The following RBM28 variants were observed in gnomAD, a reference collection of about 807,000 sequenced individuals.
RBM28 encodes RNA-binding protein 28.
In RBM28, 78 loss-of-function variants were observed where a neutral mutation model predicts 98.3. The observed-to-expected ratio is 0.79, with a 90% CI of 0.66 to 0.96. The LOEUF is 0.96. RBM28 is among the 40% of genes least tolerant of loss of function. The pLI is 0.00. For missense variants in RBM28, 838 were observed against 913.0 expected, an observed-to-expected ratio of 0.92 and a Z score of 1.06; for synonymous variants, 306 against 330.9, an observed-to-expected ratio of 0.92 and a Z score of 0.82.
At position 128,317,731 on chromosome 7, in the gene RBM28, T is replaced by A. The variant is rs1396498530; in HGVS notation, c.1716A>T (p.Arg572Ser). The A allele has an allele frequency of 6.3e-7, 1 of 1,598,874 alleles. No individual in the cohort carries two copies. The highest frequency in any genetic ancestry group is 1.3e-5 in the African/African-American group (1 of 74,578). ...NNPEIFGPLK[R>S]PIVEFSLEDR... ...CTTCTAAAGAGAACTCCACTATTGGTCTCTGTCAGAGGGAGACAGAATGCC... is the reference window on the plus strand; with the variant it reads ...CTTCTAAAGAGAACTCCACTATTGGACTCTGTCAGAGGGAGACAGAATGCC... The change falls in exon 16 of 19, where the codon AGA becomes AGT. Residue 572 changes from arginine (R) to serine (S), a missense_variant and splice_region_variant. Arg to Ser is a moderately radical substitution (Grantham distance 110). Transcript: ENST00000223073.
intron 9 of RBM28, among the ~76,000 whole-genome samples, 200 bp downstream of exon 9, chr7:128,333,090 T>C (rs1409832866): frequency 6.6e-6 from 1 of 152,194 alleles, no homozygotes; most frequent in Admixed American, 6.5e-5. Context: ...GAAAACGTGA[T>C]GTCAGGACCC....
chr7:128,339,209 ATT>A lies in RBM28; in HGVS notation c.372+16_372+17del. ...AAAGCCTTCAAAACATGCAATGTTC[ATT>A]TTCTCTCTCACTTACCTTAAAGCTC... On this transcript the variant is annotated intron_variant, in intron 3 of 18. Transcript: ENST00000223073. The A allele has an allele frequency of 1.9e-6, 3 of 1,576,710 alleles. No individual in the cohort carries two copies. The highest frequency in any genetic ancestry group is 2.6e-6 in the Non-Finnish European group (3 of 1,146,014).
At position 128,335,661 on chromosome 7, in the gene RBM28, G is replaced by A; in HGVS notation, c.828C>T (p.Ala276=). 2 of 1,614,150 alleles carry A rather than the reference G, an allele frequency of 1.2e-6. No homozygotes were observed. The highest frequency in any genetic ancestry group is 1.7e-6 in the Non-Finnish European group (2 of 1,180,022). Residue 276 remains alanine (A), a synonymous_variant, in exon 8 of 19, where the codon GCC becomes GCT. Coordinates refer to ENST00000223073, the MANE Select transcript of RBM28 (RefSeq NM_018077.3). ...CAGAATGATCACTGCTTTTTGCAGG[G>A]GCTGGTCTCTTGACTGCTCTGCAAT... The part of the protein sequence containing the change: ...QIQKRAVKRP[A]PAKSSDHSEE...
chr7:128,317,619 G>T, intron 16 of RBM28, 40 bp downstream of exon 16: 1 of 1,429,432 alleles, frequency 7.0e-7, no homozygotes, highest in Non-Finnish European at 9.9e-7. Context: ...AAATAGAAGA[G>T]TTTATGTCCT....
At chr7:128,339,396 G>A in intron 2 of RBM28, 75 bp from the exon 3 acceptor site, 1 of 1,302,968 alleles carries the variant, frequency 7.7e-7, no homozygotes, top group South Asian at 1.3e-5. Flanking sequence ...AGAAAAAAAA[G>A]CTACTGGCGA....
Position 128,335,899 on chromosome 7 carries a change from C to T in RBM28, c.757G>A (p.Glu253Lys), listed in dbSNP as rs11554671. 4 of 1,613,294 alleles carry T rather than the reference C, an allele frequency of 2.5e-6. No individual in the cohort carries two copies. Among genetic ancestry groups the T allele is most frequent in the Non-Finnish European group, 3.4e-6 (4 of 1,179,372 alleles). ...EDGVFDDEDEEEENIESKVTK... is the reference protein window; with the variant it reads ...EDGVFDDEDEKEENIESKVTK... ...ACCTTTGATTCTATATTCTCTTCCT[C>T]TTCATCTTCATCATCAAAAACCCCA... Residue 253 changes from glutamate (E) to lysine (K), a missense_variant, in exon 7 of 19, where the codon GAG becomes AAG. Coordinates refer to ENST00000223073, the MANE Select transcript of RBM28 (RefSeq NM_018077.3).
At position 128,330,877 on chromosome 7, in the gene RBM28, C is replaced by G. The variant is rs758188560; in HGVS notation, c.1071G>C (p.Gln357His). ...TGCGGACATATTTGAGTTCTCCAAA[C>G]TGTTGGAGAAGCTCCCCAAGTTCTT... ...EEEELGELLQ[Q>H]FGELKYVRIV... is the part of the protein sequence containing the mutation. Residue 357 changes from glutamine to histidine, a missense_variant, in exon 10 of 19, where the codon CAG becomes CAC. Physicochemically the swap from Gln to His is conservative, Grantham distance 24 (BLOSUM62 0). Coordinates refer to ENST00000223073, the MANE Select transcript of RBM28 (RefSeq NM_018077.3). The G allele has an allele frequency of 1.9e-5, 31 of 1,614,016 alleles. No individual in the cohort carries two copies. The highest frequency in any genetic ancestry group is 1.6e-4 in the Middle Eastern group (1 of 6,084).
intron 10 of RBM28, among the ~76,000 whole-genome samples, chr7:128,327,730 C>T (rs1205758469): frequency 1.3e-5 from 2 of 152,106 alleles, no homozygotes; most frequent in Non-Finnish European, 2.9e-5. Context: ...GAACTCCCAA[C>T]CTCAGGTGAT....
At chr7:128,314,561 C>T (rs1350147698) in intron 17 of RBM28, among the ~76,000 whole-genome samples, 1 of 152,156 alleles carries the variant, frequency 6.6e-6, no homozygotes, top group Non-Finnish European at 1.5e-5. Flanking sequence ...AAAAGCCTGC[C>T]CTAGGAGGCC....
rs1243067863 is a variant in RBM28 at position 128,325,714 on chromosome 7, A to G, written c.1203+104T>C. ...CTAAATAAGTGTTAGTTTTATTATT[A>G]CTGACAAGAAAAATAATAATAAAGC... is the stretch of plus-strand genomic sequence containing the variant. On this transcript the variant is annotated intron_variant, in intron 11 of 18. Coordinates refer to ENST00000223073, the MANE Select transcript of RBM28 (RefSeq NM_018077.3). 3 of 811,056 alleles carry G rather than the reference A, an allele frequency of 3.7e-6. No individual in the cohort carries two copies. In the African/African-American group the frequency reaches 5.1e-5, roughly 14 times the overall value. 50.2% of individuals were successfully genotyped at this position (811,056 alleles called of 1,614,324 possible).
chr7:128,312,351 T>C (rs1196865595), intron 18 of RBM28, among the ~76,000 whole-genome samples: 3 of 152,144 alleles, frequency 2.0e-5, no homozygotes, highest in Non-Finnish European at 4.4e-5. Flanking sequence ...TGAGCCGAGA[T>C]TGCGCCATTG....
At chr7:128,318,725 AAC>A (rs1796159346) in intron 14 of RBM28, among the ~76,000 whole-genome samples, 1 of 152,210 alleles carries the variant, frequency 6.6e-6, no homozygotes, top group South Asian at 2.1e-4. Flanking sequence ...TTAAAAAACA[AAC>A]ACAATACAAA....
At position 128,305,282 on chromosome 7, in the gene RBM28, C is replaced by T. The variant is rs1584626707; in HGVS notation, c.*5515G>A. On this transcript the variant is annotated 3_prime_UTR_variant, in exon 19 of 19. Coordinates refer to ENST00000223073, the MANE Select transcript of RBM28 (RefSeq NM_018077.3). Reference sequence around the variant, plus strand: ...TGCCAGGTTCTACGACAGGGTCTTCCCCACCATGGACCAGAATACAAGATA... The same window carrying T: ...TGCCAGGTTCTACGACAGGGTCTTCTCCACCATGGACCAGAATACAAGATA... 1.3e-5 allele frequency: 2 copies of T among 152,274 alleles called. No homozygotes were observed. Among genetic ancestry groups the T allele is most frequent in the East Asian group, 1.9e-4 (1 of 5,192 alleles). The allele number at this position is 152,274 out of a possible 1,614,324, so 9.4% of individuals were successfully genotyped here. A position where few individuals can be genotyped will look rare whatever the true frequency, so the allele number is the denominator to read the frequency against.
Position 128,312,361 on chromosome 7 carries a change from G to A in RBM28, c.2145+814C>T, listed in dbSNP as rs532167516. On this transcript the variant is annotated intron_variant, in intron 18 of 18. Transcript: ENST00000223073. ...TGCAGTGAGCCGAGATTGCGCCATTGCACTCCAGCCTAGGCAACAAGAGCA... is the reference window on the plus strand; with the variant it reads ...TGCAGTGAGCCGAGATTGCGCCATTACACTCCAGCCTAGGCAACAAGAGCA... Among the ~76,000 whole-genome samples the A allele has an allele frequency of 1.4e-3, 208 of 152,278 alleles. 3 individuals carry two copies. In the South Asian group the frequency reaches 0.04, roughly 29 times the overall value.
At chr7:128,331,932 A>G (rs558424557) in intron 9 of RBM28, among the ~76,000 whole-genome samples, 2 of 152,296 alleles carry the variant, frequency 1.3e-5, no homozygotes, top group African/African-American at 4.8e-5. Context: ...AACATATCCT[A>G]GCTACATTAT....
At position 128,302,177 on chromosome 7, in the gene RBM28, T is replaced by C. The variant is rs1485305286; in HGVS notation, c.*8620A>G. On this transcript the variant is annotated 3_prime_UTR_variant, in exon 19 of 19. Coordinates refer to ENST00000223073, the MANE Select transcript of RBM28 (RefSeq NM_018077.3). ...ATGTGAGTTTAGAGTGCCCGTCCTA[T>C]TGCAGAGAGGGAGAGAGCAGAGACA... 1 of 152,246 alleles carries C rather than the reference T, an allele frequency of 6.6e-6. No homozygotes were observed. Among genetic ancestry groups the C allele is most frequent in the East Asian group, 1.9e-4 (1 of 5,196 alleles). The allele number at this position is 152,246 out of a possible 1,614,324, so 9.4% of individuals were successfully genotyped here.
chr7:128,339,783 C>A lies in RBM28; in HGVS notation c.127G>T (p.Ala43Ser). Residue 43 changes from alanine (A) to serine (S), a missense_variant, in exon 2 of 19, where the codon GCA (alanine) becomes TCA (serine). Ala to Ser is a moderately conservative substitution (Grantham distance 99). Transcript: ENST00000223073. ...CFVVTEKGSKACRGFGYVTFS... is the reference protein window; with the variant it reads ...CFVVTEKGSKSCRGFGYVTFS... ...GTGACATAGCCAAAGCCTCGACATG[C>A]CTTACTCCCTGGAATAATGGAGTGG... is the stretch of plus-strand genomic sequence containing the variant. The A allele has an allele frequency of 6.2e-7, 1 of 1,613,988 alleles. No homozygotes were observed. Among genetic ancestry groups the A allele is most frequent in the Non-Finnish European group, 8.5e-7 (1 of 1,179,912 alleles).
intron 8 of RBM28, among the ~76,000 whole-genome samples, chr7:128,335,055 T>G (rs1796567265): frequency 6.6e-6 from 1 of 152,226 alleles, no homozygotes; most frequent in South Asian, 2.1e-4. Context: ...GAAAATAAGT[T>G]TCTGCTGTTT....
At chr7:128,321,122 C>T (rs1002716666) in intron 14 of RBM28, 144 bp downstream of exon 14, 4 of 1,124,956 alleles carry the variant, frequency 3.6e-6, no homozygotes, top group Non-Finnish European at 5.2e-6. Flanking sequence ...GTCAAGATTG[C>T]ACCGCTGCAC....
Sources: allele counts gnomAD v4.1 joint callset (sites outside exome capture counted in the v4.1 genomes callset), GRCh38; gene constraint gnomAD v4.1.1; transcripts MANE v1.5; gene names NCBI Gene and HGNC (gene_info 2026-07-23, HGNC 2026-07-21).